The following CARMIL1 variants were observed in gnomAD, a reference collection of about 807,000 sequenced individuals.
CARMIL1 encodes the protein capping protein regulator and myosin 1 linker 1.
A neutral mutation model predicts 177.1 loss-of-function variants in CARMIL1; 90 were observed. The ratio of observed to expected loss-of-function variants is 0.51; its 90% CI spans 0.43 to 0.61. The LOEUF (loss-of-function observed/expected upper bound fraction) is 0.61, where lower values mean the gene tolerates loss of function less well. Among genes scored for constraint, CARMIL1 ranks in the 20% least tolerant of loss-of-function variants. CARMIL1 has a pLI of 0.00. For synonymous variants in CARMIL1, 577 were observed against 606.2 expected (o/e 0.95, Z 0.71); for missense variants, 1,380 against 1,667.0 (o/e 0.83, Z 3.00).
chr6:25,414,237 G>GTAGCCACTTAAATGCAAGT (rs1795176593), intron 2 of CARMIL1, among the ~76,000 whole-genome samples: 1 of 152,192 alleles, frequency 6.6e-6, no homozygotes. Context: ...TTAAGTGGCA[G>GTAGCCACTTAAATGCAAGT]AGCCAGAATC....
At chr6:25,593,787 G>T (rs1291026277) in intron 31 of CARMIL1, among the ~76,000 whole-genome samples, 1 of 152,100 alleles carries the variant, frequency 6.6e-6, no homozygotes, top group East Asian at 1.9e-4. Context: ...GACAAAACCT[G>T]CCCCCATGAG....
chr6:25,341,163 G>GGA (rs36052268), intron 2 of CARMIL1, among the ~76,000 whole-genome samples: 64,957 of 151,686 alleles, frequency 0.43, 14,096 homozygotes, highest in African/African-American at 0.51. Flanking sequence ...GGCGTAAACG[G>GGA]GAGGCTTTGG....
intron 26 of CARMIL1, among the ~76,000 whole-genome samples, chr6:25,545,161 G>T (rs1367139634): frequency 6.6e-6 from 1 of 152,098 alleles, no homozygotes; most frequent in Non-Finnish European, 1.5e-5. Flanking sequence ...TGAAACAGAG[G>T]CACTAAACTA....
At chr6:25,339,146 C>T (rs1302832890) in intron 2 of CARMIL1, among the ~76,000 whole-genome samples, 1 of 152,144 alleles carries the variant, frequency 6.6e-6, no homozygotes, top group Non-Finnish European at 1.5e-5. Flanking sequence ...GTATTATGGA[C>T]AGGTGGTGTA....
intron 2 of CARMIL1, among the ~76,000 whole-genome samples, chr6:25,347,871 T>C (rs1787690506): frequency 6.6e-6 from 1 of 152,212 alleles, no homozygotes; most frequent in Non-Finnish European, 1.5e-5. Flanking sequence ...CATTTGTCTT[T>C]TAGTCTTACA....
At chr6:25,280,081 G>A (rs1780951403) in intron 1 of CARMIL1, among the ~76,000 whole-genome samples, 1 of 152,152 alleles carries the variant, frequency 6.6e-6, no homozygotes, top group African/African-American at 2.4e-5. Flanking sequence ...GTGGGAGGAG[G>A]GTCTCGACTG....
At chr6:25,484,730 A>G (rs1802458811) in intron 12 of CARMIL1, among the ~76,000 whole-genome samples, 1 of 152,244 alleles carries the variant, frequency 6.6e-6, no homozygotes, top group African/African-American at 2.4e-5. Flanking sequence ...TTTTAGGGAA[A>G]TCACTAAGTT....
intron 29 of CARMIL1, 26 bp from the exon 30 acceptor site, chr6:25,580,898 T>C (rs559311764): frequency 1.9e-6 from 3 of 1,549,876 alleles, no homozygotes; most frequent in East Asian, 2.4e-5. Flanking sequence ...CCTAAGTGTT[T>C]TTTTAAATTA....
At chr6:25,609,767 C>T (rs1043420716) in intron 35 of CARMIL1, among the ~76,000 whole-genome samples, 2 of 152,190 alleles carry the variant, frequency 1.3e-5, no homozygotes, top group African/African-American at 4.8e-5. Flanking sequence ...ATATGGTTCA[C>T]ATACAGTCTA....
chr6:25,500,761 A>G (rs549708095), intron 17 of CARMIL1, among the ~76,000 whole-genome samples: 2 of 151,862 alleles, frequency 1.3e-5, no homozygotes, highest in South Asian at 2.1e-4. Context: ...CTATATATTT[A>G]TATATTTTTT....
At chr6:25,513,809 C>A (rs1805690400) in intron 20 of CARMIL1, among the ~76,000 whole-genome samples, 1 of 152,204 alleles carries the variant, frequency 6.6e-6, no homozygotes, top group Non-Finnish European at 1.5e-5. Context: ...GAAGCTGCTT[C>A]TATCACTACT....
At chr6:25,573,589 G>T (rs1304615850) in intron 29 of CARMIL1, among the ~76,000 whole-genome samples, 2 of 13,562 alleles carry the variant, frequency 1.5e-4, no homozygotes, top group Non-Finnish European at 3.0e-4. Flanking sequence ...TTACCTCTAA[G>T]CAAAAAAAAA....
At chr6:25,453,419 A>T (rs1423050795) in intron 8 of CARMIL1, among the ~76,000 whole-genome samples, 1 of 152,190 alleles carries the variant, frequency 6.6e-6, no homozygotes, top group Non-Finnish European at 1.5e-5. Context: ...TAAAAATGCA[A>T]CTATCACACA....
intron 2 of CARMIL1, among the ~76,000 whole-genome samples, chr6:25,414,037 G>A (rs895029892): frequency 5.3e-5 from 8 of 152,288 alleles, no homozygotes; most frequent in African/African-American, 9.6e-5. Context: ...AAGAGCTGGT[G>A]TTTAGCAAAG....
rs199573991 is a variant in CARMIL1 at position 25,364,572 on chromosome 6, C to CTTTTTTTTTTT, written c.139-55534_139-55533insTTTTTTTTTTT. Among the ~76,000 whole-genome samples the CTTTTTTTTTTT allele has an allele frequency of 1.1e-3, 167 of 150,552 alleles. 3 individuals carry two copies. The highest frequency in any genetic ancestry group is 5.6e-3 in the South Asian group (27 of 4,782). On this transcript the variant is annotated intron_variant, in intron 2 of 36. Coordinates refer to ENST00000329474, the MANE Select transcript of CARMIL1 (RefSeq NM_017640.6). The stretch of plus-strand genomic sequence containing the variant: ...ATATGGATTCTTTTTTCTTTTTCTT[C>CTTTTTTTTTTT]TTTTTTTTGAGACAGAGTTTCTGTC...
chr6:25,574,477 G>T (rs1480753701), intron 29 of CARMIL1, among the ~76,000 whole-genome samples: 1 of 152,304 alleles, frequency 6.6e-6, no homozygotes, highest in Middle Eastern at 3.4e-3. Flanking sequence ...GTGCTTGGTA[G>T]CATTTGTTGA....
At chr6:25,364,665 A>G (rs1789584831) in intron 2 of CARMIL1, among the ~76,000 whole-genome samples, 1 of 151,796 alleles carries the variant, frequency 6.6e-6, no homozygotes, top group Admixed American at 6.6e-5. Flanking sequence ...CCGGGTTCAA[A>G]TGATTCTCCT....
At position 25,600,734 on chromosome 6, in the gene CARMIL1, G is replaced by C; in HGVS notation, c.3540G>C (p.Ala1180=). 1 of 1,538,252 alleles carries C rather than the reference G, an allele frequency of 6.5e-7. No homozygotes were observed. Among genetic ancestry groups the C allele is most frequent in the Non-Finnish European group, 8.7e-7 (1 of 1,145,790 alleles). ...EMKAKQEKRA[A]CAQKKLGNDA... is the part of the protein sequence containing the mutation. Reference sequence around the variant, plus strand: ...AAGCCAAGCAAGAGAAGAGAGCTGCGTGTGCGCAGAAGGTAAGGGTGGACC... The same window carrying C: ...AAGCCAAGCAAGAGAAGAGAGCTGCCTGTGCGCAGAAGGTAAGGGTGGACC... The change falls in exon 33 of 37, where the codon GCG becomes GCC. Residue 1180 remains alanine (A), a synonymous_variant. Coordinates refer to ENST00000329474, the MANE Select transcript of CARMIL1 (RefSeq NM_017640.6).
At chr6:25,281,127 T>TCTGCGC in intron 1 of CARMIL1, among the ~76,000 whole-genome samples, 1 of 127,000 alleles carries the variant, frequency 7.9e-6, no homozygotes, top group East Asian at 2.6e-4. Flanking sequence ...CACGCGCGTG[T>TCTGCGC]GCGCGCGCGC....
Sources: allele counts gnomAD v4.1 joint callset (sites outside exome capture counted in the v4.1 genomes callset), GRCh38; gene constraint gnomAD v4.1.1; transcripts MANE v1.5; gene names NCBI Gene and HGNC (gene_info 2026-07-23, HGNC 2026-07-21).